The following NDUFAF2 variants were observed in gnomAD, a reference collection of about 807,000 sequenced individuals.
The protein encoded by NDUFAF2 is NADH dehydrogenase [ubiquinone] 1 alpha subcomplex assembly factor 2.
Under a neutral mutation model 22.8 loss-of-function variants are expected in NDUFAF2, and 13 were observed. The ratio of observed to expected loss-of-function variants is 0.57; its 90% CI spans 0.37 to 0.91. NDUFAF2 has a LOEUF of 0.91. Among genes scored for constraint, NDUFAF2 ranks in the 40% least tolerant of loss-of-function variants. The pLI is 0.01. For synonymous variants in NDUFAF2, 53 were observed against 64.2 expected (o/e 0.83, Z 0.84); for missense variants, 162 against 195.2 (o/e 0.83, Z 1.01).
At chr5:61,090,549 T>A (rs1357873770) in intron 2 of NDUFAF2, among the ~76,000 whole-genome samples, 1 of 152,112 alleles carries the variant, frequency 6.6e-6, no homozygotes, top group Non-Finnish European at 1.5e-5. Flanking sequence ...AAAGCTAGAA[T>A]TAACTTCTAC....
chr5:61,085,961 G>A (rs1752501382), intron 2 of NDUFAF2, among the ~76,000 whole-genome samples: 1 of 151,846 alleles, frequency 6.6e-6, no homozygotes, highest in African/African-American at 2.4e-5. Flanking sequence ...CAAAAAGTAA[G>A]CACTTTAGCC....
chr5:60,965,532 C>G (rs1365118482), intron 1 of NDUFAF2, among the ~76,000 whole-genome samples: 1 of 152,140 alleles, frequency 6.6e-6, no homozygotes, highest in Non-Finnish European at 1.5e-5. Flanking sequence ...TTTCCCCACC[C>G]CAGCCCCTGG....
chr5:61,143,915 T>C (rs1741092446), intron 3 of NDUFAF2, among the ~76,000 whole-genome samples: 1 of 151,592 alleles, frequency 6.6e-6, no homozygotes, highest in South Asian at 2.1e-4. Flanking sequence ...TACTAAACTT[T>C]AGAGGAGCCT....
intron 2 of NDUFAF2, among the ~76,000 whole-genome samples, chr5:61,090,189 A>G (rs1000729154): frequency 4.6e-5 from 7 of 152,008 alleles, no homozygotes; most frequent in Admixed American, 1.3e-4. Context: ...CGCTAAAGGG[A>G]TTATACTTAA....
At chr5:61,131,886 CTGT>C (rs1753116326) in intron 3 of NDUFAF2, among the ~76,000 whole-genome samples, 1 of 88,312 alleles carries the variant, frequency 1.1e-5, no homozygotes, top group South Asian at 4.3e-4. Flanking sequence ...TTGTAGATTT[CTGT>C]TGTTTACATT....
At chr5:61,013,823 T>C (rs1408361407) in intron 1 of NDUFAF2, among the ~76,000 whole-genome samples, 1 of 152,316 alleles carries the variant, frequency 6.6e-6, no homozygotes, top group East Asian at 1.9e-4. Flanking sequence ...GGAAATATAC[T>C]AGGAAATTCC....
chr5:60,945,392 C>T lies in NDUFAF2; in HGVS notation c.127+10C>T, dbSNP rs752764592. On this transcript the variant is annotated intron_variant, in intron 1 of 3. Coordinates refer to ENST00000296597, the MANE Select transcript of NDUFAF2 (RefSeq NM_174889.5). ...TACAAGAACTGGAGAGGTGAGGTGG[C>T]GGCGTGGGCAGCGATTGCGTGGTCA... The T allele has an allele frequency of 6.2e-7, 1 of 1,614,102 alleles. No individual in the cohort carries two copies. Among genetic ancestry groups the T allele is most frequent in the Non-Finnish European group, 8.5e-7 (1 of 1,180,014 alleles).
chr5:61,042,927 G>C (rs959653206), intron 1 of NDUFAF2, among the ~76,000 whole-genome samples: 3 of 152,158 alleles, frequency 2.0e-5, no homozygotes, highest in African/African-American at 7.2e-5. Context: ...ACAGTGAAAA[G>C]ATCAGTGGTT....
chr5:61,055,260 A>G (rs1207201503), intron 1 of NDUFAF2, among the ~76,000 whole-genome samples: 1 of 152,200 alleles, frequency 6.6e-6, no homozygotes, highest in East Asian at 1.9e-4. Context: ...AGCTTGTTGA[A>G]ATTCAACACA....
chr5:61,090,705 G>T (rs1752556101), intron 2 of NDUFAF2, among the ~76,000 whole-genome samples: 1 of 152,026 alleles, frequency 6.6e-6, no homozygotes, highest in Non-Finnish European at 1.5e-5. Flanking sequence ...TTTATTTTAA[G>T]TTCAGGGGTA....
rs1468948672 is a variant in NDUFAF2 at position 61,035,350 on chromosome 5, G to A, written c.128-37775G>A. On this transcript the variant is annotated intron_variant, in intron 1 of 3. Transcript: ENST00000296597. ...CAAAGTGCTGGGATTACAGGCGTGA[G>A]CCACTGCACCCAGCCAATAGTGTAT... 4.0e-5 allele frequency among the ~76,000 whole-genome samples: 6 copies of A among 148,742 alleles called. No homozygotes were observed. In the South Asian group the frequency reaches 1.3e-3, roughly 32 times the overall value.
chr5:61,009,931 A>G (rs1347670519), intron 1 of NDUFAF2, among the ~76,000 whole-genome samples: 1 of 152,116 alleles, frequency 6.6e-6, no homozygotes, highest in Non-Finnish European at 1.5e-5. Context: ...TCTTGTCTTA[A>G]TAAATGATGC....
intron 1 of NDUFAF2, among the ~76,000 whole-genome samples, chr5:61,008,554 T>C (rs1052572369): frequency 1.3e-5 from 2 of 152,126 alleles, no homozygotes; most frequent in Non-Finnish European, 2.9e-5. Context: ...TGCACTGAGC[T>C]TCAATTTCAT....
At chr5:61,111,896 G>A (rs2111785094) in intron 3 of NDUFAF2, among the ~76,000 whole-genome samples, 1 of 152,076 alleles carries the variant, frequency 6.6e-6, no homozygotes, top group Non-Finnish European at 1.5e-5. Context: ...GGGATTACAG[G>A]TGTGAGCCAC....
chr5:61,067,609 A>T (rs1393640685), intron 1 of NDUFAF2, among the ~76,000 whole-genome samples: 1 of 152,094 alleles, frequency 6.6e-6, no homozygotes, highest in Admixed American at 6.6e-5. Flanking sequence ...GAGTAGTGCC[A>T]CAATAAACAT....
At chr5:61,100,134 A>C (rs1354286483) in intron 3 of NDUFAF2, among the ~76,000 whole-genome samples, 1 of 151,920 alleles carries the variant, frequency 6.6e-6, no homozygotes, top group Non-Finnish European at 1.5e-5. Flanking sequence ...GGGGGAAAAA[A>C]TAAAAGGCAA....
chr5:61,043,933 A>G lies in NDUFAF2; in HGVS notation c.128-29192A>G, dbSNP rs545733591. On this transcript the variant is annotated intron_variant, in intron 1 of 3. Coordinates refer to ENST00000296597, the MANE Select transcript of NDUFAF2 (RefSeq NM_174889.5). ...TAACTTTTTGAGGAACCACCACACT[A>G]TTTTCTGTAAAGGCTATACCAATTT... 2.0e-5 allele frequency among the ~76,000 whole-genome samples: 3 copies of G among 151,940 alleles called. No individual in the cohort carries two copies. In the South Asian group the frequency reaches 6.2e-4, roughly 32 times the overall value.
chr5:60,972,335 C>T lies in NDUFAF2; in HGVS notation c.127+26953C>T, dbSNP rs1750844285. On this transcript the variant is annotated intron_variant, in intron 1 of 3. Coordinates refer to ENST00000296597, the MANE Select transcript of NDUFAF2 (RefSeq NM_174889.5). ...TTTAGTTGTAATCTCTAAATCCCCA[C>T]TTGTCAAGGGCGGGATCAAGTGGAG... Among the ~76,000 whole-genome samples, 8 of 151,860 alleles carry T rather than the reference C, an allele frequency of 5.3e-5. No homozygotes were observed. The South Asian group carries it at 1.7e-3, about 32-fold the overall frequency.
At chr5:61,126,491 T>G (rs1285182279) in intron 3 of NDUFAF2, among the ~76,000 whole-genome samples, 1 of 152,078 alleles carries the variant, frequency 6.6e-6, no homozygotes, top group Non-Finnish European at 1.5e-5. Context: ...TTTCATTATG[T>G]ATGTGTTCGT....
Sources: gnomAD v4.1 joint callset for allele counts (sites outside exome capture counted in the v4.1 genomes callset) on GRCh38, gnomAD v4.1.1 for gene constraint, MANE v1.5 for transcripts, NCBI Gene and HGNC (gene_info 2026-07-23, HGNC 2026-07-21) for gene names.